The following CDK13 variants were observed in gnomAD, a reference collection of about 807,000 sequenced individuals.
The protein encoded by CDK13 is cyclin dependent kinase 13, also known as cyclin-dependent kinase 13.
Under a neutral mutation model 137.6 loss-of-function variants are expected in CDK13, and 40 were observed. The ratio of observed to expected loss-of-function variants is 0.29; its 90% CI spans 0.23 to 0.38. The LOEUF is 0.38. Among genes scored for constraint, CDK13 ranks in the 10% least tolerant of loss-of-function variants. The pLI, the probability that CDK13 is intolerant of heterozygous loss-of-function variation, is 1.00. For synonymous variants in CDK13, 869 were observed against 760.1 expected (o/e 1.14, Z -2.36); for missense variants, 1,704 against 1,951.8 (o/e 0.87, Z 2.39).
chr7:40,057,570 T>C (rs1454248915), intron 7 of CDK13, among the ~76,000 whole-genome samples: 1 of 152,146 alleles, frequency 6.6e-6, no homozygotes, highest in Admixed American at 6.5e-5. Flanking sequence ...ACAGCTGCCA[T>C]AGAAGGGAGG....
rs976319927 is a variant in CDK13, at chr7:40,039,434, A to ATTTTTTTTTTTTTTTTTTTTTTT, written c.2354-6401_2354-6379dup. Among the ~76,000 whole-genome samples the ATTTTTTTTTTTTTTTTTTTTTTT allele has an allele frequency of 1.1e-4, 9 of 85,000 alleles. 2 individuals carry two copies. Among genetic ancestry groups the ATTTTTTTTTTTTTTTTTTTTTTT allele is most frequent in the African/African-American group, 5.0e-4 (9 of 18,014 alleles). The allele number at this position is 85,000 out of a possible 152,430, so 55.8% of individuals were successfully genotyped here. On this transcript the variant is annotated intron_variant, in intron 5 of 13. Coordinates refer to ENST00000181839, the MANE Select transcript of CDK13 (RefSeq NM_003718.5). ...AGGTGCCCACGACCATGCCCGGCTA[A>ATTTTTTTTTTTTTTTTTTTTTTT]TTTTTTTTTTTTTTTTTTTTTTTGC...
chr7:39,996,655 AT>A (rs1784565459), intron 2 of CDK13, among the ~76,000 whole-genome samples: 1 of 152,092 alleles, frequency 6.6e-6, no homozygotes, highest in South Asian at 2.1e-4. Context: ...GCTTTCTTTT[AT>A]TTCTTACGGT....
chr7:40,052,086 T>C (rs1264945214), intron 7 of CDK13, among the ~76,000 whole-genome samples: 5 of 152,234 alleles, frequency 3.3e-5, no homozygotes, highest in Non-Finnish European at 7.3e-5. Context: ...CTTTCTCTCT[T>C]TATGTGACCG....
At chr7:39,980,918 G>A (rs1198615190) in intron 1 of CDK13, among the ~76,000 whole-genome samples, 1 of 152,106 alleles carries the variant, frequency 6.6e-6, no homozygotes, top group South Asian at 2.1e-4. Context: ...TTTTATTCTG[G>A]TACTACTTTG....
chr7:40,093,902 T>C (rs1443624352), intron 13 of CDK13, among the ~76,000 whole-genome samples: 2 of 121,036 alleles, frequency 1.7e-5, no homozygotes, highest in African/African-American at 7.0e-5. Context: ...TGAGACCGTG[T>C]CACCAAAAAA....
intron 5 of CDK13, among the ~76,000 whole-genome samples, chr7:40,035,406 G>A (rs1442234394): frequency 2.0e-5 from 3 of 152,062 alleles, no homozygotes; most frequent in East Asian, 1.9e-4. Flanking sequence ...GAAGGTGAGC[G>A]AGTGAAGCTT....
chr7:40,000,915 T>C (rs1320572383), intron 4 of CDK13, among the ~76,000 whole-genome samples: 1 of 152,230 alleles, frequency 6.6e-6, no homozygotes, highest in Non-Finnish European at 1.5e-5. Flanking sequence ...TTTCATTTTC[T>C]ATTTGGATCA....
At chr7:39,955,949 A>G (rs1787393469) in intron 1 of CDK13, among the ~76,000 whole-genome samples, 3 of 152,196 alleles carry the variant, frequency 2.0e-5, no homozygotes, top group Non-Finnish European at 4.4e-5. Flanking sequence ...TGGAATAATA[A>G]GAACCTAAGA....
chr7:39,963,941 G>A (rs928248299), intron 1 of CDK13, among the ~76,000 whole-genome samples: 1 of 152,178 alleles, frequency 6.6e-6, no homozygotes, highest in African/African-American at 2.4e-5. Context: ...TGCATATGTT[G>A]AACCAGCCTT....
rs1584081078 is a variant in CDK13 at position 40,080,653 on chromosome 7, C to T, written c.3029+1802C>T. On this transcript the variant is annotated intron_variant, in intron 11 of 13. Transcript: ENST00000181839. ...TATCAGTAATCTTAAAACTTGGGCTCAGTACCCCTTCAAATAACATTTTTT... is the reference window on the plus strand; with the variant it reads ...TATCAGTAATCTTAAAACTTGGGCTTAGTACCCCTTCAAATAACATTTTTT... Among the ~76,000 whole-genome samples the T allele has an allele frequency of 3.3e-5, 5 of 152,236 alleles. 1 individual carries two copies. The South Asian group carries it at 1.0e-3, about 32-fold the overall frequency.
intron 1 of CDK13, among the ~76,000 whole-genome samples, chr7:39,958,991 A>G (rs964608018): frequency 4.6e-5 from 7 of 152,090 alleles, no homozygotes; most frequent in Non-Finnish European, 8.8e-5. Flanking sequence ...GGGTTTTGCC[A>G]TGTTGGCCAG....
chr7:39,953,409 G>T (rs1365078742), intron 1 of CDK13, among the ~76,000 whole-genome samples: 3 of 152,144 alleles, frequency 2.0e-5, no homozygotes, highest in Non-Finnish European at 4.4e-5. Flanking sequence ...TTCAGCACTT[G>T]AACAATTTAA....
chr7:39,950,598 G>C lies in CDK13; in HGVS notation c.-44G>C, dbSNP rs1212576000. ...GGGAGATGGCCAGGATCTGACCCGG[G>C]AGGAGGCCGCACCCGCGCCGCGCTC... On this transcript the variant is annotated 5_prime_UTR_variant, in exon 1 of 14. Coordinates refer to ENST00000181839, the MANE Select transcript of CDK13 (RefSeq NM_003718.5). 1 of 1,293,096 alleles carries C rather than the reference G, an allele frequency of 7.7e-7. No homozygotes were observed. The highest frequency in any genetic ancestry group is 1.5e-5 in the African/African-American group (1 of 64,658). The allele number at this position is 1,293,096 out of a possible 1,614,324, so 80.1% of individuals were successfully genotyped here.
chr7:40,073,877 A>ACCGTGCC (rs1429933785), intron 9 of CDK13, among the ~76,000 whole-genome samples: 1 of 147,920 alleles, frequency 6.8e-6, no homozygotes, highest in African/African-American at 2.5e-5. Context: ...GGCGTGAGCA[A>ACCGTGCC]CCGTGCCTGG....
In CDK13 at chr7:40,093,923, AT is replaced by A. The variant is rs5883719; in HGVS notation, c.3689-194del. On this transcript the variant is annotated intron_variant, in intron 13 of 13. Coordinates refer to ENST00000181839, the MANE Select transcript of CDK13 (RefSeq NM_003718.5). ...CGTGTCACCAAAAAAAAAAAAAAAA[AT>A]TTTTTTTTTTTTAAAGAGAAGCCAT... Among the ~76,000 whole-genome samples the A allele has an allele frequency of 0.58, 74,889 of 129,668 alleles. 21,247 individuals carry two copies. The highest frequency in any genetic ancestry group is 0.74 in the African/African-American group (24,423 of 33,028). 85.1% of individuals were successfully genotyped at this position (129,668 alleles called of 152,430 possible).
At chr7:40,093,299 G>A in intron 13 of CDK13, 62 bp downstream of exon 13, 2 of 1,321,654 alleles carry the variant, frequency 1.5e-6, no homozygotes, top group Non-Finnish European at 2.1e-6. Context: ...CAGTGTTGCT[G>A]ACTATATATA....
intron 5 of CDK13, among the ~76,000 whole-genome samples, chr7:40,016,694 A>G (rs539184221): frequency 6.6e-6 from 1 of 152,150 alleles, no homozygotes; most frequent in Non-Finnish European, 1.5e-5. Flanking sequence ...ATTTACTATA[A>G]AAGTACATAA....
chr7:40,036,189 C>T (rs898799555), intron 5 of CDK13, among the ~76,000 whole-genome samples: 11 of 151,868 alleles, frequency 7.2e-5, no homozygotes, highest in African/African-American at 2.7e-4. Flanking sequence ...CACACACACA[C>T]ACACACACAT....
At chr7:40,076,661 T>C (rs1353098744) in intron 9 of CDK13, among the ~76,000 whole-genome samples, 1 of 152,102 alleles carries the variant, frequency 6.6e-6, no homozygotes, top group Non-Finnish European at 1.5e-5. Context: ...ATGCTAAATA[T>C]ATTGAGACAA....
Sources: allele counts gnomAD v4.1 joint callset (sites outside exome capture counted in the v4.1 genomes callset), GRCh38; gene constraint gnomAD v4.1.1; transcripts MANE v1.5; gene names NCBI Gene and HGNC (gene_info 2026-07-23, HGNC 2026-07-21).